The following TGM4 variants were observed in gnomAD, a reference collection of about 807,000 sequenced individuals.
TGM4 encodes transglutaminase 4.
In TGM4, 61 loss-of-function variants were observed where a neutral mutation model predicts 76.3. The observed-to-expected ratio is 0.80, with a 90% CI of 0.65 to 0.99. TGM4 has a LOEUF of 0.99. TGM4 is among the 50% of genes least tolerant of loss of function. The pLI, the probability that TGM4 is intolerant of heterozygous loss-of-function variation, is 0.00. For synonymous variants in TGM4, 337 were observed against 329.8 expected (o/e 1.02, Z -0.24); for missense variants, 794 against 843.2 (o/e 0.94, Z 0.72).
chr3:44,885,015 C>A (rs1699582953), intron 1 of TGM4, among the ~76,000 whole-genome samples: 1 of 152,248 alleles, frequency 6.6e-6, no homozygotes, highest in Non-Finnish European at 1.5e-5. Context: ...CTGTTTGAAA[C>A]TCAGTTTCCT....
intron 13 of TGM4, among the ~76,000 whole-genome samples, chr3:44,912,222 A>G (rs1391513113): frequency 6.6e-6 from 1 of 152,208 alleles, no homozygotes; most frequent in Non-Finnish European, 1.5e-5. Flanking sequence ...CTTTTCCTTT[A>G]CGGATACTGA....
intron 8 of TGM4, 45 bp from the exon 9 acceptor site, chr3:44,903,839 G>A: frequency 6.4e-7 from 1 of 1,569,476 alleles, no homozygotes; most frequent in South Asian, 1.1e-5. Flanking sequence ...CTCTAACTAG[G>A]TTTGGGGGTG....
In TGM4 at chr3:44,896,786, C is replaced by G. The variant is rs753060114; in HGVS notation, c.627C>G (p.Pro209=). The change falls in exon 6 of 14, where the codon CCC becomes CCG. Residue 209 remains proline, a synonymous_variant. Coordinates refer to ENST00000296125, the MANE Select transcript of TGM4 (RefSeq NM_003241.4). The part of the protein sequence containing the change: ...SSLKPTDRRD[P]VLVCRAMCAM... ...TCAAGCCCACAGATAGGAGGGACCC[C>G]GTGCTGGTGTGCAGGGCCATGTGTG... The G allele has an allele frequency of 6.2e-7, 1 of 1,614,124 alleles. No homozygotes were observed. Among genetic ancestry groups the G allele is most frequent in the East Asian group, 2.2e-5 (1 of 44,872 alleles).
chr3:44,906,702 GT>G (rs1166850569), intron 9 of TGM4, among the ~76,000 whole-genome samples: 1 of 152,224 alleles, frequency 6.6e-6, no homozygotes, highest in Non-Finnish European at 1.5e-5. Context: ...GCTGGGATGA[GT>G]TTAATAGGCA....
chr3:44,911,351 G>A lies in TGM4; in HGVS notation c.1858G>A (p.Val620Ile), dbSNP rs781692441. The A allele has an allele frequency of 1.6e-5, 26 of 1,614,128 alleles. No individual in the cohort carries two copies. In the Admixed American group the frequency reaches 1.8e-4, roughly 11 times the overall value. Residue 620 changes from valine (V) to isoleucine (I), a missense_variant, in exon 13 of 14, where the codon GTC becomes ATC. By Grantham distance (29) the Val-to-Ile change is conservative. Coordinates refer to ENST00000296125, the MANE Select transcript of TGM4 (RefSeq NM_003241.4). ...KNTLAIPLTD[V>I]KFSLESLGIS... Reference sequence around the variant, plus strand: ...TACCCTGGCCATCCCTTTGACTGACGTCAAGTTCTCTTTGGAAAGCCTGGG... The same window carrying A: ...TACCCTGGCCATCCCTTTGACTGACATCAAGTTCTCTTTGGAAAGCCTGGG...
chr3:44,889,773 TG>T (rs1699663609), intron 3 of TGM4, among the ~76,000 whole-genome samples: 1 of 152,106 alleles, frequency 6.6e-6, no homozygotes, highest in South Asian at 2.1e-4. Flanking sequence ...TCTGGCTGCC[TG>T]TATTCCAAGA....
Position 44,881,146 on chromosome 3 carries a change from G to A in TGM4, c.20-4179G>A, listed in dbSNP as rs150147940. Among the ~76,000 whole-genome samples, 318 of 152,104 alleles carry A rather than the reference G, an allele frequency of 2.1e-3. 2 individuals carry two copies. The highest frequency in any genetic ancestry group is 7.0e-3 in the African/African-American group (292 of 41,460). ...TTGAGCTCAGGAGGTTGTGGCTGCA[G>A]TGAGCCGTGTTCACACCACGGCACT... On this transcript the variant is annotated intron_variant, in intron 1 of 13. Coordinates refer to ENST00000296125, the MANE Select transcript of TGM4 (RefSeq NM_003241.4).
rs367947149 is a variant in TGM4 at position 44,901,633 on chromosome 3, A to G, written c.767A>G (p.Tyr256Cys). The G allele has an allele frequency of 3.1e-6, 5 of 1,614,104 alleles. No homozygotes were observed. In the African/African-American group the frequency reaches 6.7e-5, roughly 22 times the overall value. The change falls in exon 7 of 14, where the codon TAC becomes TGC. Residue 256 changes from tyrosine to cysteine, a missense_variant. Transcript: ENST00000296125. ...WTGSAPILQQ[Y>C]YNTKQAVCFG... The stretch of plus-strand genomic sequence containing the variant: ...GGCAGTGCCCCGATCCTGCAGCAGT[A>G]CTACAACACGAAGCAGGCTGTGTGC...
chr3:44,883,812 A>G (rs1398816623), intron 1 of TGM4, among the ~76,000 whole-genome samples: 1 of 152,218 alleles, frequency 6.6e-6, no homozygotes, highest in African/African-American at 2.4e-5. Context: ...TCCCCAAGGT[A>G]GGCATCTGAT....
chr3:44,911,165 T>TG, intron 12 of TGM4, 38 bp downstream of exon 12: 1 of 1,610,922 alleles, frequency 6.2e-7, no homozygotes, highest in Non-Finnish European at 8.5e-7. Context: ...TCCTTCTGCC[T>TG]GGAAGTTGGC....
chr3:44,897,471 G>C (rs1699795551), intron 6 of TGM4, among the ~76,000 whole-genome samples: 1 of 152,194 alleles, frequency 6.6e-6, no homozygotes, highest in African/African-American at 2.4e-5. Flanking sequence ...TGAGCAAACT[G>C]TTGCAGTTCA....
chr3:44,892,675 A>G (rs1445739557), intron 4 of TGM4, among the ~76,000 whole-genome samples: 1 of 152,118 alleles, frequency 6.6e-6, no homozygotes, highest in Non-Finnish European at 1.5e-5. Flanking sequence ...CCAGCCGGTC[A>G]CTTGATTTTA....
At chr3:44,911,483 T>G (rs1319871740) in intron 13 of TGM4, 77 bp downstream of exon 13, 47 of 1,542,196 alleles carry the variant, frequency 3.0e-5, no homozygotes, top group Non-Finnish European at 3.9e-5. Context: ...TCCTGAGAAG[T>G]GAATTCCCAG....
At chr3:44,880,879 A>G (rs1575710172) in intron 1 of TGM4, among the ~76,000 whole-genome samples, 1 of 152,344 alleles carries the variant, frequency 6.6e-6, no homozygotes, top group Admixed American at 6.5e-5. Flanking sequence ...ATAACACATC[A>G]TATTCTGGAA....
At chr3:44,893,986 C>A (rs1236106605) in intron 5 of TGM4, among the ~76,000 whole-genome samples, 1 of 107,658 alleles carries the variant, frequency 9.3e-6, no homozygotes, top group Non-Finnish European at 1.9e-5. Flanking sequence ...CTCTCTCCCA[C>A]CCCCCTCGGC....
At position 44,911,319 on chromosome 3, in the gene TGM4, T is replaced by G; in HGVS notation, c.1826T>G (p.Phe609Cys). 3.1e-6 allele frequency: 5 copies of G among 1,614,262 alleles called. No homozygotes were observed. The highest frequency in any genetic ancestry group is 4.2e-6 in the Non-Finnish European group (5 of 1,180,052). The change falls in exon 13 of 14, where the codon TTC (phenylalanine) becomes TGC (cysteine). Residue 609 changes from phenylalanine (F) to cysteine (C), a missense_variant. Coordinates refer to ENST00000296125, the MANE Select transcript of TGM4 (RefSeq NM_003241.4). ...IGQLLVCNCI[F>C]KNTLAIPLTD... ...CAGCTACTTGTCTGCAATTGTATCT[T>G]CAAGAATACCCTGGCCATCCCTTTG...
intron 9 of TGM4, among the ~76,000 whole-genome samples, chr3:44,905,703 C>CA (rs1055778760): frequency 1.3e-5 from 2 of 152,036 alleles, no homozygotes; most frequent in Non-Finnish European, 2.9e-5. Context: ...GCCCTGAAGG[C>CA]AAAAAAATGC....
chr3:44,897,915 T>C (rs561574773), intron 6 of TGM4, among the ~76,000 whole-genome samples: 2 of 152,368 alleles, frequency 1.3e-5, no homozygotes, highest in East Asian at 3.9e-4. Context: ...TGGAATTTCA[T>C]ATCTGCTTCT....
chr3:44,908,796 TGTCAGG>T (rs1355625321), intron 10 of TGM4, among the ~76,000 whole-genome samples: 3 of 152,206 alleles, frequency 2.0e-5, no homozygotes, highest in Non-Finnish European at 4.4e-5. Flanking sequence ...GTAGGTTCAA[TGTCAGG>T]GCTTCCTTAG....
Sources: allele counts gnomAD v4.1 joint callset (sites outside exome capture counted in the v4.1 genomes callset), GRCh38; gene constraint gnomAD v4.1.1; transcripts MANE v1.5; gene names NCBI Gene and HGNC (gene_info 2026-07-23, HGNC 2026-07-21).